ADAMTS6: variants seen among roughly 807,000 people sequenced by gnomAD.
ADAMTS6 encodes the protein ADAM metallopeptidase with thrombospondin type 1 motif 6, also known as A disintegrin and metalloproteinase with thrombospondin motifs 6.
In ADAMTS6, 23 loss-of-function variants were observed where a neutral mutation model predicts 144.3. The observed-to-expected ratio is 0.16, with a 90% confidence interval of 0.11 to 0.23. The LOEUF is 0.23. ADAMTS6 is among the 10% of genes least tolerant of loss of function. The probability of loss-of-function intolerance (pLI) is 1.00; values close to 1 mark genes in which losing one functional copy is unlikely to be tolerated. For missense variants in ADAMTS6, 999 were observed against 1,379.6 expected (o/e 0.72, Z 4.37); for synonymous variants, 444 against 457.5 (o/e 0.97, Z 0.38).
At position 65,197,063 on chromosome 5, in the gene ADAMTS6, A is replaced by AG. The variant is rs1473433195; in HGVS notation, c.2663dup (p.Glu889Ter). ...CAGTGTTGCAGGCTCTTTGATTTTC[A>AG]GGTGGCTTACTGTCAGGATCACAGT... On this transcript the variant is annotated frameshift_variant, in exon 21 of 25. Transcript: ENST00000381055. LOFTEE classifies it high-confidence loss of function. 2 of 1,613,920 alleles carry AG rather than the reference A, an allele frequency of 1.2e-6. No homozygotes were observed. The highest frequency in any genetic ancestry group is 1.7e-6 in the Non-Finnish European group (2 of 1,179,886).
At chr5:65,344,212 T>C (rs921501918) in intron 7 of ADAMTS6, among the ~76,000 whole-genome samples, 2 of 151,978 alleles carry the variant, frequency 1.3e-5, no homozygotes, top group African/African-American at 4.8e-5. Flanking sequence ...TTTTCACTTC[T>C]TTGCCATCAT....
intron 7 of ADAMTS6, chr5:65,451,198 T>G (rs1758713028): frequency 3.6e-6 from 1 of 274,324 alleles, no homozygotes; most frequent in Non-Finnish European, 6.8e-6. Context: ...ATCATCTACA[T>G]GCTTTTGATT....
intron 24 of ADAMTS6, among the ~76,000 whole-genome samples, chr5:65,164,136 G>C (rs537146088): frequency 1.8e-3 from 275 of 152,186 alleles, no homozygotes; most frequent in African/African-American, 6.2e-3. Context: ...AATCTCACTA[G>C]GGAGTGCCAG....
chr5:65,419,769 G>A (rs1755858248), intron 7 of ADAMTS6, among the ~76,000 whole-genome samples: 1 of 152,104 alleles, frequency 6.6e-6, no homozygotes, highest in Non-Finnish European at 1.5e-5. Context: ...TCCATTTAAA[G>A]GAAATGTCCA....
intron 7 of ADAMTS6, among the ~76,000 whole-genome samples, chr5:65,427,480 T>G (rs1027868363): frequency 5.9e-5 from 9 of 152,050 alleles, no homozygotes; most frequent in African/African-American, 2.2e-4. Flanking sequence ...AACTAAAATT[T>G]AGAATAAAAG....
At chr5:65,416,849 C>G (rs552010651) in intron 7 of ADAMTS6, among the ~76,000 whole-genome samples, 9 of 151,376 alleles carry the variant, frequency 5.9e-5, no homozygotes, top group Non-Finnish European at 1.0e-4. Flanking sequence ...TCCAAAAACT[C>G]AAGGAGGAGG....
chr5:65,179,021 C>A (rs573431333), intron 22 of ADAMTS6, among the ~76,000 whole-genome samples: 1 of 145,338 alleles, frequency 6.9e-6, no homozygotes, highest in East Asian at 2.0e-4. Flanking sequence ...CTAACGCCTA[C>A]AAAGTGACTC....
intron 11 of ADAMTS6, among the ~76,000 whole-genome samples, chr5:65,277,562 A>G (rs1561367450): frequency 1.4e-5 from 2 of 146,598 alleles, no homozygotes; most frequent in Non-Finnish European, 1.5e-5. Flanking sequence ...AAGACTGGAC[A>G]GTTTTTTTTT....
At chr5:65,272,616 C>T (rs1273714820) in intron 12 of ADAMTS6, among the ~76,000 whole-genome samples, 4 of 152,062 alleles carry the variant, frequency 2.6e-5, no homozygotes, top group Non-Finnish European at 4.4e-5. Context: ...TTCTCTCATA[C>T]TGCAATCTAA....
chr5:65,242,237 A>T lies in ADAMTS6; in HGVS notation c.1831-31T>A, dbSNP rs772176563. On this transcript the variant is annotated intron_variant, in intron 14 of 24. Transcript: ENST00000381055. ...ATAAAATAAAATCATAAATGGTACC[A>T]TTGTTGGAAAATACCAAAAGCAAGG... 16 of 1,538,996 alleles carry T rather than the reference A, an allele frequency of 1.0e-5. No homozygotes were observed. The East Asian group carries it at 3.6e-4, about 35-fold the overall frequency.
intron 11 of ADAMTS6, among the ~76,000 whole-genome samples, chr5:65,290,702 G>A (rs904964938): frequency 2.6e-5 from 4 of 151,890 alleles, no homozygotes; most frequent in Non-Finnish European, 4.4e-5. Context: ...CTAAAATCTT[G>A]CTCTATGAAA....
chr5:65,307,966 C>G (rs780717293), intron 9 of ADAMTS6, among the ~76,000 whole-genome samples: 73 of 152,314 alleles, frequency 4.8e-4, no homozygotes, highest in Middle Eastern at 3.4e-3. Flanking sequence ...CATACACTTA[C>G]AGCAATCCAC....
At chr5:65,223,074 A>G (rs959259718) in intron 18 of ADAMTS6, among the ~76,000 whole-genome samples, 1 of 152,176 alleles carries the variant, frequency 6.6e-6, no homozygotes, top group African/African-American at 2.4e-5. Flanking sequence ...AATTAAAAAG[A>G]CTGACAATAC....
chr5:65,466,770 C>T (rs908967525), intron 3 of ADAMTS6, among the ~76,000 whole-genome samples: 24 of 152,120 alleles, frequency 1.6e-4, no homozygotes, highest in African/African-American at 3.9e-4. Context: ...AGGCCGGGCG[C>T]GGTGGCTCAC....
chr5:65,247,729 A>G lies in ADAMTS6; in HGVS notation c.1831-5523T>C, dbSNP rs376759585. 4.8e-4 allele frequency among the ~76,000 whole-genome samples: 73 copies of G among 152,152 alleles called. No individual in the cohort carries two copies. In the South Asian group the frequency reaches 8.3e-3, roughly 17 times the overall value. ...AGGCTGGAAGGATAGAATGACTCCT[A>G]TGGCCTCAGGGAAAATTGCAAACTG... On this transcript the variant is annotated intron_variant, in intron 14 of 24. Coordinates refer to ENST00000381055, the MANE Select transcript of ADAMTS6 (RefSeq NM_197941.4).
intron 1 of ADAMTS6, 111 bp downstream of exon 1, chr5:65,481,232 A>ACAC (rs1554099082): frequency 6.6e-6 from 1 of 150,958 alleles, no homozygotes; most frequent in Non-Finnish European, 1.5e-5. Context: ...AAAAAAAAAA[A>ACAC]ACACACACAC....
At chr5:65,359,132 CG>C (rs1561460873) in intron 7 of ADAMTS6, among the ~76,000 whole-genome samples, 1 of 151,944 alleles carries the variant, frequency 6.6e-6, no homozygotes, top group Non-Finnish European at 1.5e-5. Flanking sequence ...TATATTTCAT[CG>C]GGGTTAATGT....
rs1367555388 is a variant in ADAMTS6, at chr5:65,403,589, T to C, written c.1073+47886A>G. On this transcript the variant is annotated intron_variant, in intron 7 of 24. Coordinates refer to ENST00000381055, the MANE Select transcript of ADAMTS6 (RefSeq NM_197941.4). ...TCATTTATTCCTCTTTCTCTCATAC[T>C]CTTATACAATAAATTTTGAAAAATC... Among the ~76,000 whole-genome samples, 6 of 152,238 alleles carry C rather than the reference T, an allele frequency of 3.9e-5. No individual in the cohort carries two copies. The East Asian group carries it at 1.2e-3, about 29-fold the overall frequency.
Position 65,313,628 on chromosome 5 carries a change from G to A in ADAMTS6, c.1224-13497C>T, listed in dbSNP as rs370344808. 4.6e-5 allele frequency among the ~76,000 whole-genome samples: 7 copies of A among 152,102 alleles called. No individual in the cohort carries two copies. In the East Asian group the frequency reaches 7.7e-4, roughly 17 times the overall value. On this transcript the variant is annotated intron_variant, in intron 9 of 24. Transcript: ENST00000381055. ...AGTGATTAAAACTTATAACGTAAAT[G>A]TGGAGACATAAGAAAATAATATTAT... is the stretch of plus-strand genomic sequence containing the variant.
Sources: gnomAD v4.1 joint callset for allele counts (sites outside exome capture counted in the v4.1 genomes callset) on GRCh38, gnomAD v4.1.1 for gene constraint, MANE v1.5 for transcripts, NCBI Gene and HGNC (gene_info 2026-07-23, HGNC 2026-07-21) for gene names.